PPHLN1: variants seen among roughly 807,000 people sequenced by gnomAD.
The protein encoded by PPHLN1 is periphilin-1.
A neutral mutation model predicts 51.3 loss-of-function variants in PPHLN1; 29 were observed. That is an observed-to-expected ratio of 0.57 (90% CI 0.42 to 0.77). The LOEUF is 0.77. Ranked by LOEUF, PPHLN1 falls within the 30% of genes least tolerant of loss-of-function variation. The pLI is 0.00. For missense variants in PPHLN1, 436 were observed against 438.4 expected (o/e 0.99, Z 0.05); for synonymous variants, 147 against 147.8 (o/e 0.99, Z 0.04).
intron 9 of PPHLN1, among the ~76,000 whole-genome samples, chr12:42,406,548 C>T (rs1041470080): frequency 6.6e-6 from 1 of 152,224 alleles, no homozygotes; most frequent in Middle Eastern, 3.4e-3. Context: ...GGACTGTTTC[C>T]TGTGGTTATT....
chr12:42,426,182 A>ACG (rs2081447447), intron 9 of PPHLN1, among the ~76,000 whole-genome samples: 1 of 57,406 alleles, frequency 1.7e-5, no homozygotes, highest in Non-Finnish European at 4.5e-5. Flanking sequence ...CCACACACAC[A>ACG]CACACACACA....
chr12:42,374,525 C>T (rs540360117), intron 4 of PPHLN1: 5 of 190,620 alleles, frequency 2.6e-5, no homozygotes, highest in East Asian at 3.0e-4. Flanking sequence ...CTGCAAGCTC[C>T]GCCTCCCAGG....
downstream of PPHLN1, chr12:42,442,764 G>C (rs371373705): frequency 6.2e-7 from 1 of 1,612,026 alleles, no homozygotes; most frequent in African/African-American, 1.3e-5. Flanking sequence ...TGCCCGCTCG[G>C]GATTTCCAAG....
In PPHLN1 at chr12:42,329,400, C is replaced by T. The variant is rs532280306; in HGVS notation, c.-21+3171C>T. On this transcript the variant is annotated intron_variant, in intron 1 of 9. Transcript: ENST00000358314. ...GATTACAAGCGTGAGCCACCGCGCC[C>T]GGCCTGGAATTTCAAATATTTTCTA... Among the ~76,000 whole-genome samples the T allele has an allele frequency of 3.2e-4, 49 of 152,212 alleles. 1 individual carries two copies. The highest frequency in any genetic ancestry group is 5.6e-4 in the Non-Finnish European group (38 of 68,024).
At chr12:42,369,971 A>G (rs2075645713) in intron 4 of PPHLN1, among the ~76,000 whole-genome samples, 2 of 152,134 alleles carry the variant, frequency 1.3e-5, no homozygotes, top group South Asian at 4.1e-4. Flanking sequence ...GTTTAACTCT[A>G]GTTGTTTCTT....
intron 4 of PPHLN1, among the ~76,000 whole-genome samples, chr12:42,367,648 G>A (rs375844370): frequency 7.7e-4 from 117 of 152,004 alleles, no homozygotes; most frequent in South Asian, 6.2e-3. Flanking sequence ...AATTATCTTC[G>A]TATCGTTTGT....
chr12:42,393,807 G>A, intron 8 of PPHLN1, 118 bp downstream of exon 8: 1 of 1,013,752 alleles, frequency 9.9e-7, no homozygotes, highest in Non-Finnish European at 1.4e-6. Context: ...ATGGATTACA[G>A]GTATTAAAAT....
At chr12:42,408,078 A>G (rs1416415363) in intron 9 of PPHLN1, among the ~76,000 whole-genome samples, 4 of 152,092 alleles carry the variant, frequency 2.6e-5, no homozygotes, top group Non-Finnish European at 5.9e-5. Flanking sequence ...CTAACTTTTG[A>G]TTTTATTTAT....
chr12:42,331,336 A>G (rs1387699494), intron 1 of PPHLN1, among the ~76,000 whole-genome samples: 1 of 152,250 alleles, frequency 6.6e-6, no homozygotes, highest in African/African-American at 2.4e-5. Flanking sequence ...AGTTGCTACT[A>G]TAACCAGTTT....
intron 4 of PPHLN1, among the ~76,000 whole-genome samples, chr12:42,370,718 A>C (rs529542362): frequency 2.0e-5 from 3 of 152,350 alleles, no homozygotes; most frequent in Admixed American, 1.3e-4. Flanking sequence ...GTTTTGGAAG[A>C]AAAGTTACAG....
At chr12:42,347,954 G>A (rs2138090800) in intron 2 of PPHLN1, among the ~76,000 whole-genome samples, 1 of 152,110 alleles carries the variant, frequency 6.6e-6, no homozygotes, top group Admixed American at 6.5e-5. Flanking sequence ...ATATAGCTAG[G>A]GAGTTTTCTT....
intron 9 of PPHLN1, among the ~76,000 whole-genome samples, chr12:42,436,735 A>G (rs1415763400): frequency 1.3e-5 from 2 of 152,206 alleles, no homozygotes; most frequent in Non-Finnish European, 2.9e-5. Context: ...AGTGACTAAC[A>G]GGTGGGTAGT....
At chr12:42,435,762 T>C (rs2082427841) in intron 9 of PPHLN1, among the ~76,000 whole-genome samples, 2 of 152,208 alleles carry the variant, frequency 1.3e-5, no homozygotes, top group Admixed American at 1.3e-4. Context: ...AAGCTTTTAT[T>C]TTCCACTTTA....
At chr12:42,383,378 T>C (rs2076920278) in intron 5 of PPHLN1, among the ~76,000 whole-genome samples, 1 of 152,196 alleles carries the variant, frequency 6.6e-6, no homozygotes, top group African/African-American at 2.4e-5. Context: ...TCCAGTAGCT[T>C]TCTCTGAAAT....
At chr12:42,404,552 A>ACAACAACAACAACAAC (rs200429895) in intron 9 of PPHLN1, among the ~76,000 whole-genome samples, 1 of 151,992 alleles carries the variant, frequency 6.6e-6, no homozygotes, top group African/African-American at 2.4e-5. Context: ...AACAACAACA[A>ACAACAACAACAACAAC]AAATATTTCA....
chr12:42,362,149 T>C (rs1222982317), intron 4 of PPHLN1, among the ~76,000 whole-genome samples: 2 of 152,242 alleles, frequency 1.3e-5, no homozygotes, highest in Non-Finnish European at 2.9e-5. Flanking sequence ...CTAGTGGTGA[T>C]GAACATCATT....
At chr12:42,396,615 CAAAAAAAAAAAAAAAAAAA>C (rs60131845) in intron 8 of PPHLN1, among the ~76,000 whole-genome samples, 1 of 85,484 alleles carries the variant, frequency 1.2e-5, no homozygotes, top group African/African-American at 6.7e-5. Flanking sequence ...CTTGTCACTA[CAAAAAAAAAAAAAAAAAAA>C]AAAAAAAAAA....
rs912368358 is a variant in PPHLN1, at chr12:42,393,583, C to G, written c.662C>G (p.Pro221Arg). The change falls in exon 8 of 10, where the codon CCC (proline) becomes CGC (arginine). Residue 221 changes from proline to arginine, a missense_variant. Coordinates refer to ENST00000358314, the MANE Select transcript of PPHLN1 (RefSeq NM_201439.2). The part of the protein sequence containing the change: ...AVSSSKVLDK[P>R]SRLTEKELAE... ...TATTTTTATTAGGTGTTAGACAAAC[C>G]CAGTAGGCTAACTGAAAAGGAACTT... 3.1e-6 allele frequency: 5 copies of G among 1,607,090 alleles called. No homozygotes were observed. The highest frequency in any genetic ancestry group is 4.2e-6 in the Non-Finnish European group (5 of 1,177,688).
intron 4 of PPHLN1, among the ~76,000 whole-genome samples, chr12:42,371,878 A>G (rs1464704850): frequency 6.6e-6 from 1 of 152,214 alleles, no homozygotes; most frequent in Non-Finnish European, 1.5e-5. Flanking sequence ...TACTTTAGAT[A>G]TGACTACTTC....
Sources: allele counts gnomAD v4.1 joint callset (sites outside exome capture counted in the v4.1 genomes callset), GRCh38; gene constraint gnomAD v4.1.1; transcripts MANE v1.5; gene names NCBI Gene and HGNC (gene_info 2026-07-23, HGNC 2026-07-21).